The following IQCH variants were observed in gnomAD, a reference collection of about 807,000 sequenced individuals.
The protein encoded by IQCH is IQ motif containing H.
In IQCH, 98 loss-of-function variants were observed where a neutral mutation model predicts 117.0. The observed-to-expected ratio is 0.84, with a 90% CI of 0.71 to 0.99. The LOEUF is 0.99. Ranked by LOEUF, IQCH falls within the 50% of genes least tolerant of loss-of-function variation. IQCH has a pLI of 0.00. For synonymous variants in IQCH, 412 were observed against 448.2 expected, an observed-to-expected ratio of 0.92 and a Z score of 1.02; for missense variants, 1,102 against 1,243.8, an observed-to-expected ratio of 0.89 and a Z score of 1.72.
chr15:67,489,118 C>T (rs1264147486), intron 18 of IQCH, among the ~76,000 whole-genome samples: 1 of 151,642 alleles, frequency 6.6e-6, no homozygotes, highest in Non-Finnish European at 1.5e-5. Context: ...ACTGCAAGCT[C>T]CGCCTCCCAG....
chr15:67,311,911 C>G (rs1278694378), intron 4 of IQCH, among the ~76,000 whole-genome samples: 1 of 152,034 alleles, frequency 6.6e-6, no homozygotes. Context: ...CATGAGTGGA[C>G]AGAGAGAAGA....
intron 18 of IQCH, among the ~76,000 whole-genome samples, chr15:67,487,130 T>A (rs1331739342): frequency 6.6e-6 from 1 of 152,150 alleles, no homozygotes; most frequent in Non-Finnish European, 1.5e-5. Context: ...GTCAGGAGTT[T>A]GAGACTAGCC....
chr15:67,273,723 T>C (rs1966002697), intron 3 of IQCH, among the ~76,000 whole-genome samples: 2 of 152,344 alleles, frequency 1.3e-5, no homozygotes, highest in South Asian at 2.1e-4. Context: ...AGTATTAGTG[T>C]ATTCTGAGGT....
intron 12 of IQCH, among the ~76,000 whole-genome samples, chr15:67,389,792 A>G (rs1158152365): frequency 6.6e-6 from 1 of 151,476 alleles, no homozygotes; most frequent in Non-Finnish European, 1.5e-5. Context: ...TCTATCGCCA[A>G]CGTGATTGCA....
At chr15:67,372,731 T>G in intron 9 of IQCH, 69 bp downstream of exon 9, 3 of 1,344,950 alleles carry the variant, frequency 2.2e-6, no homozygotes, top group Non-Finnish European at 3.1e-6. Context: ...GCGGTTGTAA[T>G]AAGTTGTCTC....
At position 67,466,894 on chromosome 15, in the gene IQCH, CT is replaced by C. The variant is rs2082944254; in HGVS notation, c.2676+1599del. On this transcript the variant is annotated intron_variant, in intron 17 of 20. Transcript: ENST00000335894. The surrounding 1 kb of genome is among the most constrained non-coding windows in gnomAD (Gnocchi z 4.4). ...GAGAAACAGCAGTGACACTTGAGCC[CT>C]TCTGGCCAGTGAACCTAAGTCTATG... The C allele has an allele frequency of 6.6e-6, 1 of 152,404 alleles. No individual in the cohort carries two copies. The highest frequency in any genetic ancestry group is 2.4e-5 in the African/African-American group (1 of 41,452). 9.4% of individuals were successfully genotyped at this position (152,404 alleles called of 1,614,324 possible). A position where few individuals can be genotyped will look rare whatever the true frequency, so the allele number is the denominator to read the frequency against.
rs1267404853 is a variant in IQCH at position 67,388,952 on chromosome 15, T to G, written c.1578T>G (p.Ser526Arg). ...AVKSGNLEDRSDLQDRFKIIT... is the reference protein window; with the variant it reads ...AVKSGNLEDRRDLQDRFKIIT... ...AATCTGGGAACCTTGAGGACAGAAGTGACCTGCAGGACAGGTTCAAAATTA... is the reference window on the plus strand; with the variant it reads ...AATCTGGGAACCTTGAGGACAGAAGGGACCTGCAGGACAGGTTCAAAATTA... The change falls in exon 12 of 21, where the codon AGT becomes AGG. Residue 526 changes from serine to arginine, a missense_variant. Coordinates refer to ENST00000335894, the MANE Select transcript of IQCH (RefSeq NM_001031715.3). The surrounding 1 kb of genome is among the most constrained non-coding windows in gnomAD (Gnocchi z 5.5). The G allele has an allele frequency of 7.4e-6, 12 of 1,613,896 alleles. No homozygotes were observed. The highest frequency in any genetic ancestry group is 6.7e-5 in the Admixed American group (4 of 60,006).
In IQCH at chr15:67,386,530, T is replaced by C. The variant is rs1236142092; in HGVS notation, c.1456+1511T>C. On this transcript the variant is annotated intron_variant, in intron 11 of 20. Coordinates refer to ENST00000335894, the MANE Select transcript of IQCH (RefSeq NM_001031715.3). This position sits in a 1 kb window ranked among gnomAD's most constrained non-coding sequence, Gnocchi z 5.0. ...GAAGAAAAAGTACTTTTTTGTGAAATAAAAATGTGAAGAAAATAGAAAAAT... is the reference window on the plus strand; with the variant it reads ...GAAGAAAAAGTACTTTTTTGTGAAACAAAAATGTGAAGAAAATAGAAAAAT... Among the ~76,000 whole-genome samples, 2 of 152,108 alleles carry C rather than the reference T, an allele frequency of 1.3e-5. No homozygotes were observed. The highest frequency in any genetic ancestry group is 2.4e-5 in the African/African-American group (1 of 41,420).
chr15:67,380,757 G>C (rs1261190581), intron 10 of IQCH, among the ~76,000 whole-genome samples: 3 of 152,214 alleles, frequency 2.0e-5, no homozygotes, highest in Non-Finnish European at 4.4e-5. Context: ...GATGGAGTAA[G>C]CTTGAGTATG....
chr15:67,375,724 A>G (rs1323512207), intron 10 of IQCH, among the ~76,000 whole-genome samples: 1 of 151,992 alleles, frequency 6.6e-6, no homozygotes, highest in Non-Finnish European at 1.5e-5. Flanking sequence ...CACTTTCAAA[A>G]GAGAATAATA....
intron 16 of IQCH, among the ~76,000 whole-genome samples, chr15:67,439,957 T>G (rs1316222296): frequency 6.7e-6 from 1 of 148,422 alleles, no homozygotes; most frequent in East Asian, 2.0e-4. Context: ...ATAAATAAAA[T>G]TGATAGACCA....
Position 67,473,689 on chromosome 15 carries a change from A to G in IQCH, c.2677-2007A>G, listed in dbSNP as rs998513380. Among the ~76,000 whole-genome samples the G allele has an allele frequency of 6.6e-6, 1 of 152,198 alleles. No individual in the cohort carries two copies. Among genetic ancestry groups the G allele is most frequent in the Non-Finnish European group, 1.5e-5 (1 of 68,020 alleles). ...TATCATGCCCAAACTGGAGATTCAG[A>G]AACCAAACAGCGCCTGCCCTCAGAA... On this transcript the variant is annotated intron_variant, in intron 17 of 20. Transcript: ENST00000335894. The surrounding 1 kb of genome is among the most constrained non-coding windows in gnomAD (Gnocchi z 4.9).
Position 67,493,678 on chromosome 15 carries a change from C to CT in IQCH, c.2862-577dup, listed in dbSNP as rs1596496497. 6.6e-6 allele frequency among the ~76,000 whole-genome samples: 1 copy of CT among 152,148 alleles called. No individual in the cohort carries two copies. Among genetic ancestry groups the CT allele is most frequent in the Middle Eastern group, 3.2e-3 (1 of 316 alleles). ...TAAACCATTTTTTTTAATTATTATACTTTAAGTTATAGGGTACATGTGCAC... is the reference window on the plus strand; with the variant it reads ...TAAACCATTTTTTTTAATTATTATACTTTTAAGTTATAGGGTACATGTGCAC... On this transcript the variant is annotated intron_variant, in intron 19 of 20. Coordinates refer to ENST00000335894, the MANE Select transcript of IQCH (RefSeq NM_001031715.3). This position sits in a 1 kb window ranked among gnomAD's most constrained non-coding sequence, Gnocchi z 5.1.
At chr15:67,289,850 A>G (rs1966692559) in intron 4 of IQCH, among the ~76,000 whole-genome samples, 1 of 152,160 alleles carries the variant, frequency 6.6e-6, no homozygotes, top group Non-Finnish European at 1.5e-5. Context: ...AGAGATTTTC[A>G]GGTTTAAAAA....
chr15:67,276,406 G>C (rs1966125994), intron 3 of IQCH, among the ~76,000 whole-genome samples: 2 of 152,192 alleles, frequency 1.3e-5, no homozygotes, highest in Admixed American at 6.5e-5. Context: ...TGAGACACAA[G>C]GAACAGCATG....
chr15:67,337,605 C>G (rs936684581), intron 5 of IQCH, among the ~76,000 whole-genome samples: 1 of 152,082 alleles, frequency 6.6e-6, no homozygotes, highest in African/African-American at 2.4e-5. Context: ...ATCTCTAGCA[C>G]CTAGAACCAT....
intron 8 of IQCH, among the ~76,000 whole-genome samples, chr15:67,368,169 G>C (rs1480085246): frequency 6.6e-6 from 1 of 152,206 alleles, no homozygotes; most frequent in Non-Finnish European, 1.5e-5. Context: ...TTTGAACCCA[G>C]GTTAGCTGGA....
intron 16 of IQCH, among the ~76,000 whole-genome samples, chr15:67,451,534 T>C (rs2082526954): frequency 6.6e-6 from 1 of 152,204 alleles, no homozygotes; most frequent in African/African-American, 2.4e-5. Context: ...TTGAGTGGTT[T>C]TGAGTGAGTT....
chr15:67,255,992 A>G (rs1281732090), intron 1 of IQCH, among the ~76,000 whole-genome samples: 1 of 152,136 alleles, frequency 6.6e-6, no homozygotes, highest in African/African-American at 2.4e-5. Context: ...TTCAACACTC[A>G]CTACCTGCAA....
Sources: allele counts gnomAD v4.1 joint callset (sites outside exome capture counted in the v4.1 genomes callset), GRCh38; gene constraint gnomAD v4.1.1; non-coding constraint Gnocchi (gnomAD v3.1); transcripts MANE v1.5; gene names NCBI Gene and HGNC (gene_info 2026-07-23, HGNC 2026-07-21).